The following SLC75A1 variants were observed in gnomAD, a reference collection of about 807,000 sequenced individuals.
The protein encoded by SLC75A1 is major facilitator superfamily domain containing 10.
At chr4:2,932,252 C>T in the SLC75A1 span, 1 of 1,549,496 alleles carries the variant, frequency 6.5e-7, no homozygotes, top group Non-Finnish European at 8.7e-7. Context: ...AGCGGCCCAG[C>T]CTCCCTGGCA....
chr4:2,931,985 C>T, the SLC75A1 span: 10 of 1,602,326 alleles, frequency 6.2e-6, no homozygotes, highest in Middle Eastern at 1.7e-4. Flanking sequence ...CAGGGAAGGG[C>T]GCCGCCCGGG....
At chr4:2,930,782 G>T in the SLC75A1 span, 1 of 1,579,372 alleles carries the variant, frequency 6.3e-7, no homozygotes, top group East Asian at 2.3e-5. Flanking sequence ...GTGGGCAGGG[G>T]CCTGACCTAG....
chr4:2,930,895 G>A, the SLC75A1 span: 3 of 1,613,078 alleles, frequency 1.9e-6, no homozygotes, highest in Non-Finnish European at 2.5e-6. Flanking sequence ...GGAAGAAGGG[G>A]AGCAAAAAGA....
chr4:2,931,275 C>T, the SLC75A1 span: 1 of 1,555,052 alleles, frequency 6.4e-7, no homozygotes, highest in Non-Finnish European at 8.7e-7. Context: ...ACGGCGGCGG[C>T]TGGTGGGAGA....
At chr4:2,933,418 A>C in the SLC75A1 span, 1 of 958,236 alleles carries the variant, frequency 1.0e-6, no homozygotes, top group East Asian at 2.6e-5. Flanking sequence ...TCATGCCCAG[A>C]AGCCAGGACA....
the SLC75A1 span, chr4:2,934,348 C>G: frequency 0.015 from 3,225 of 214,014 alleles, 40 homozygotes; most frequent in Non-Finnish European, 0.023. Flanking sequence ...CCCCGCGATT[C>G]CGGCCCCTGG....
chr4:2,934,281 G>GGATCCCGATCCC, the SLC75A1 span: 166 of 262,004 alleles, frequency 6.3e-4, 1 homozygote, highest in African/African-American at 3.8e-3. Flanking sequence ...CGGGGAACCC[G>GGATCCCGATCCC]GATCCCGATC....
chr4:2,933,068 G>T, the SLC75A1 span: 1 of 1,591,632 alleles, frequency 6.3e-7, no homozygotes, highest in South Asian at 1.1e-5. Flanking sequence ...CTGGGTGGGA[G>T]GAGGCTTCCC....
the SLC75A1 span, chr4:2,932,641 C>G: frequency 3.1e-6 from 5 of 1,612,964 alleles, no homozygotes; most frequent in Non-Finnish European, 4.2e-6. Flanking sequence ...AGGTCAGCAA[C>G]GATGGCCGTG....
chr4:2,931,988 C>A, the SLC75A1 span: 1 of 1,602,028 alleles, frequency 6.2e-7, no homozygotes, highest in Non-Finnish European at 8.5e-7. Flanking sequence ...GGAAGGGCGC[C>A]GCCCGGGGAA....
the SLC75A1 span, chr4:2,931,999 G>T: frequency 1.2e-6 from 2 of 1,603,938 alleles, no homozygotes; most frequent in Non-Finnish European, 8.5e-7. Flanking sequence ...GCCCGGGGAA[G>T]CCCAGGGGAG....
the SLC75A1 span, chr4:2,931,479 C>T: frequency 8.2e-6 from 13 of 1,579,920 alleles, no homozygotes; most frequent in African/African-American, 1.4e-5. Context: ...CAGGTGGGCA[C>T]GGCAGCCTCA....
chr4:2,931,053 G>A, the SLC75A1 span: 10 of 1,607,588 alleles, frequency 6.2e-6, no homozygotes, highest in South Asian at 2.2e-5. Context: ...ACCATCCCGC[G>A]CCCTCACCTG....
chr4:2,931,721 A>C, the SLC75A1 span: 2 of 1,563,960 alleles, frequency 1.3e-6, no homozygotes, highest in African/African-American at 2.7e-5. Flanking sequence ...GGGCAGGGCC[A>C]GGGCGAGAGT....
At chr4:2,931,624 G>A in the SLC75A1 span, 1 of 1,613,648 alleles carries the variant, frequency 6.2e-7, no homozygotes, top group Non-Finnish European at 8.5e-7. Flanking sequence ...TGGTGGCCAT[G>A]GTGAGGCCGA....
At chr4:2,930,957 C>T in the SLC75A1 span, 548 of 1,612,994 alleles carry the variant, frequency 3.4e-4, 4 homozygotes, top group African/African-American at 5.2e-3. Context: ...CAGTACACTG[C>T]GGAGAGACGG....
At chr4:2,931,833 C>A in the SLC75A1 span, 1 of 1,601,914 alleles carries the variant, frequency 6.2e-7, no homozygotes, top group Non-Finnish European at 8.5e-7. Context: ...ACCTACTGAA[C>A]TGGAAGCGCT....
At chr4:2,931,142 C>T in the SLC75A1 span, 3 of 1,565,108 alleles carry the variant, frequency 1.9e-6, no homozygotes, top group Non-Finnish European at 2.6e-6. Context: ...CCCTTCTGCC[C>T]TGGTGAGCCT....
At chr4:2,933,261 T>A in the SLC75A1 span, 1 of 1,547,536 alleles carries the variant, frequency 6.5e-7, no homozygotes, top group South Asian at 1.1e-5. Flanking sequence ...TGAGCTGTGG[T>A]CTTGGGGCCC....
Sources: allele counts gnomAD v4.1 joint callset, GRCh38; gene constraint gnomAD v4.1.1; transcripts MANE v1.5; gene names NCBI Gene and HGNC (gene_info 2026-07-23, HGNC 2026-07-21).